The following ATP6V0E1 variants were observed in gnomAD, a reference collection of about 807,000 sequenced individuals.
ATP6V0E1 encodes the protein V-type proton ATPase subunit e 1.
Under a neutral mutation model 11.6 loss-of-function variants are expected in ATP6V0E1, and 4 were observed. The observed-to-expected ratio is 0.35, with a 90% CI of 0.17 to 0.79. The LOEUF (loss-of-function observed/expected upper bound fraction) is 0.79. Among genes scored for constraint, ATP6V0E1 ranks in the 30% least tolerant of loss-of-function variants. ATP6V0E1 has a pLI of 0.54. For synonymous variants in ATP6V0E1, 36 were observed against 34.8 expected, an observed-to-expected ratio of 1.04 and a Z score of -0.13; for missense variants, 105 against 100.0, an observed-to-expected ratio of 1.05 and a Z score of -0.21.
At chr5:173,029,546 G>A (rs1436005053) in intron 3 of ATP6V0E1, among the ~76,000 whole-genome samples, 3 of 151,902 alleles carry the variant, frequency 2.0e-5, no homozygotes, top group Non-Finnish European at 2.9e-5. Context: ...TGGCTCTACC[G>A]TCATCTATCT....
intron 2 of ATP6V0E1, among the ~76,000 whole-genome samples, chr5:173,007,907 C>T (rs377655091): frequency 1.3e-5 from 2 of 152,184 alleles, no homozygotes; most frequent in Admixed American, 6.5e-5. Context: ...CCCATACGAG[C>T]AGGAGGCCTT....
In ATP6V0E1 at chr5:172,983,791, C is replaced by T; in HGVS notation, c.-70C>T. On this transcript the variant is annotated 5_prime_UTR_variant, in exon 1 of 4. Coordinates refer to ENST00000519374, the MANE Select transcript of ATP6V0E1 (RefSeq NM_003945.4). ...GGCTTGCACACGCTGGTCACGCGGT[C>T]AGCTATTGACACTTCCTGGTGGGAT... 15 of 1,454,230 alleles carry T rather than the reference C, an allele frequency of 1.0e-5. No homozygotes were observed. The highest frequency in any genetic ancestry group is 1.4e-5 in the Non-Finnish European group (15 of 1,040,984). The allele number at this position is 1,454,230 out of a possible 1,614,324, so 90.1% of individuals were successfully genotyped here.
At chr5:173,003,131 G>T (rs1392117799) in intron 2 of ATP6V0E1, among the ~76,000 whole-genome samples, 2 of 152,156 alleles carry the variant, frequency 1.3e-5, no homozygotes, top group African/African-American at 2.4e-5. Flanking sequence ...CCCAGGCCAG[G>T]TGGGATTTTA....
intron 1 of ATP6V0E1, 120 bp from the exon 2 acceptor site, chr5:172,994,655 A>T: frequency 1.3e-6 from 1 of 790,736 alleles, no homozygotes; most frequent in Non-Finnish European, 2.0e-6. Context: ...ATACAGATCC[A>T]ATTTCTTGGT....
intron 2 of ATP6V0E1, among the ~76,000 whole-genome samples, chr5:172,998,609 TAAAAA>T (rs59297626): frequency 3.3e-5 from 4 of 119,924 alleles, no homozygotes; most frequent in African/African-American, 6.0e-5. Context: ...GACTCCATCT[TAAAAA>T]AAAAAAAAAA....
rs572266310 is a variant in ATP6V0E1, at chr5:172,993,973, G to C, written c.105-802G>C. Reference sequence around the variant, plus strand: ...TGGAAACCAAATGATGGATGATGGAGGGGGGACATCAAAAGGTCTTAAGTA... The same window carrying C: ...TGGAAACCAAATGATGGATGATGGACGGGGGACATCAAAAGGTCTTAAGTA... On this transcript the variant is annotated intron_variant, in intron 1 of 3. Transcript: ENST00000519374. Among the ~76,000 whole-genome samples the C allele has an allele frequency of 2.6e-5, 4 of 152,284 alleles. No homozygotes were observed. In the East Asian group the frequency reaches 5.8e-4, roughly 22 times the overall value.
rs199669262 is a variant in ATP6V0E1 at position 173,017,851 on chromosome 5, AAAAAAAAAAG to A, written c.153-2382_153-2373del. ...ACGAGACTCCTTCTCAAAAAAAAAAAAAAAAAAAAGAAAAGAAAAGAAAGGGATTCCCTAG... is the reference window on the plus strand; with the variant it reads ...ACGAGACTCCTTCTCAAAAAAAAAAAAAAAGAAAAGAAAGGGATTCCCTAG... On this transcript the variant is annotated intron_variant, in intron 2 of 3. Transcript: ENST00000519374. 7.9e-3 allele frequency among the ~76,000 whole-genome samples: 1,202 copies of A among 151,198 alleles called. 14 individuals are homozygous for A. Among genetic ancestry groups the A allele is most frequent in the African/African-American group, 0.028 (1,148 of 41,022 alleles).
At chr5:173,024,846 CTT>C (rs542062411) in intron 3 of ATP6V0E1, among the ~76,000 whole-genome samples, 7 of 136,182 alleles carry the variant, frequency 5.1e-5, no homozygotes, top group Middle Eastern at 3.8e-3. Context: ...TTTCTTTTTT[CTT>C]TTTTTTTTTT....
At chr5:173,010,458 A>T (rs750957009) in intron 2 of ATP6V0E1, among the ~76,000 whole-genome samples, 4 of 152,242 alleles carry the variant, frequency 2.6e-5, no homozygotes, top group Non-Finnish European at 4.4e-5. Flanking sequence ...ACCATTTTAC[A>T]ACAGGAGACA....
chr5:172,994,458 T>C (rs1756031213), intron 1 of ATP6V0E1, among the ~76,000 whole-genome samples: 3 of 152,314 alleles, frequency 2.0e-5, no homozygotes, highest in South Asian at 2.1e-4. Flanking sequence ...TACTACCAAA[T>C]AGGGTAATTA....
At chr5:173,026,816 A>G (rs960169132) in intron 3 of ATP6V0E1, among the ~76,000 whole-genome samples, 3 of 152,286 alleles carry the variant, frequency 2.0e-5, no homozygotes, top group Middle Eastern at 3.4e-3. Context: ...TTAAAGATAT[A>G]TATGATTTTT....
intron 2 of ATP6V0E1, among the ~76,000 whole-genome samples, chr5:173,015,226 C>A (rs1756383829): frequency 6.6e-6 from 1 of 152,200 alleles, no homozygotes; most frequent in African/African-American, 2.4e-5. Context: ...ATAGGCCAAT[C>A]ACTTAGACTC....
intron 2 of ATP6V0E1, among the ~76,000 whole-genome samples, chr5:173,000,746 G>T: frequency 6.7e-6 from 1 of 150,006 alleles, no homozygotes. Context: ...TGTCGACCAG[G>T]CTGGAGTGCA....
chr5:172,998,976 A>T (rs1756114146), intron 2 of ATP6V0E1, among the ~76,000 whole-genome samples: 1 of 152,094 alleles, frequency 6.6e-6, no homozygotes, highest in African/African-American at 2.4e-5. Context: ...ATCTCTACTA[A>T]TAATACAAAA....
At chr5:172,991,974 TTTA>T (rs1393015567) in intron 1 of ATP6V0E1, among the ~76,000 whole-genome samples, 1 of 150,278 alleles carries the variant, frequency 6.7e-6, no homozygotes, top group Non-Finnish European at 1.5e-5. Context: ...TCCTTCTTCC[TTTA>T]TTTTTCTTTC....
chr5:173,021,784 C>T (rs1363023201), intron 3 of ATP6V0E1, among the ~76,000 whole-genome samples: 1 of 152,230 alleles, frequency 6.6e-6, no homozygotes, highest in Non-Finnish European at 1.5e-5. Flanking sequence ...CGCGGTGGCT[C>T]ACGCCTGTAA....
chr5:172,984,023 C>T, intron 1 of ATP6V0E1, 59 bp downstream of exon 1: 3 of 1,529,884 alleles, frequency 2.0e-6, no homozygotes, highest in Non-Finnish European at 2.7e-6. Flanking sequence ...CAGGCCGGGG[C>T]GGGGAAAGGC....
At chr5:172,997,926 G>A (rs1756092056) in intron 2 of ATP6V0E1, among the ~76,000 whole-genome samples, 1 of 151,852 alleles carries the variant, frequency 6.6e-6, no homozygotes, top group South Asian at 2.1e-4. Flanking sequence ...AGACCAGCCT[G>A]AGCAACATGT....
chr5:173,018,107 CTT>C lies in ATP6V0E1; in HGVS notation c.153-2128_153-2127del, dbSNP rs555917529. ...TGCACAGTTGAAAATCCATTTATAA[CTT>C]TTGAATCCCCCCAGATTTAATTACT... is the stretch of plus-strand genomic sequence containing the variant. On this transcript the variant is annotated intron_variant, in intron 2 of 3. Coordinates refer to ENST00000519374, the MANE Select transcript of ATP6V0E1 (RefSeq NM_003945.4). Among the ~76,000 whole-genome samples the C allele has an allele frequency of 4.6e-5, 7 of 152,268 alleles. No individual in the cohort carries two copies. The East Asian group carries it at 9.6e-4, about 21-fold the overall frequency.
Sources: allele counts gnomAD v4.1 joint callset (sites outside exome capture counted in the v4.1 genomes callset), GRCh38; gene constraint gnomAD v4.1.1; transcripts MANE v1.5; gene names NCBI Gene and HGNC (gene_info 2026-07-23, HGNC 2026-07-21).